Variants in MARCHF1 observed in about 807,000 individuals in gnomAD.
MARCHF1 encodes E3 ubiquitin-protein ligase MARCHF1.
In MARCHF1, 40 loss-of-function variants were observed where a neutral mutation model predicts 54.2. The observed-to-expected ratio is 0.74, with a 90% CI of 0.57 to 0.96. The LOEUF (loss-of-function observed/expected upper bound fraction) is 0.96. MARCHF1 is among the 40% of genes least tolerant of loss of function. The pLI is 0.00. For missense variants in MARCHF1, 586 were observed against 656.5 expected (o/e 0.89, Z 1.17); for synonymous variants, 236 against 236.3 (o/e 1.00, Z 0.01).
intron 3 of MARCHF1, among the ~76,000 whole-genome samples, chr4:163,937,834 C>A (rs1013125514): frequency 6.6e-6 from 1 of 151,956 alleles, no homozygotes; most frequent in Non-Finnish European, 1.5e-5. Flanking sequence ...TTGAAACTAG[C>A]AGAGTTTAAA....
At chr4:163,676,040 T>C (rs1743901868) in intron 5 of MARCHF1, among the ~76,000 whole-genome samples, 1 of 151,720 alleles carries the variant, frequency 6.6e-6, no homozygotes, top group Non-Finnish European at 1.5e-5. Flanking sequence ...CTACTCAATC[T>C]ATGTCAGAAA....
intron 5 of MARCHF1, among the ~76,000 whole-genome samples, chr4:163,699,341 AG>A: frequency 6.6e-6 from 1 of 152,350 alleles, no homozygotes; most frequent in South Asian, 2.1e-4. Flanking sequence ...GAGGAATGGC[AG>A]GCATGCTTAC....
chr4:164,250,044 G>A (rs1001906869), intron 1 of MARCHF1, among the ~76,000 whole-genome samples: 5 of 152,046 alleles, frequency 3.3e-5, no homozygotes, highest in Admixed American at 1.3e-4. Context: ...TATCTGCCCA[G>A]GAGCACAGAT....
chr4:163,870,130 A>C (rs1483514967), intron 3 of MARCHF1, among the ~76,000 whole-genome samples: 1 of 152,154 alleles, frequency 6.6e-6, no homozygotes, highest in Non-Finnish European at 1.5e-5. Context: ...TTTCTGGCTA[A>C]ACAGGATTTC....
intron 9 of MARCHF1, 53 bp from the exon 10 acceptor site, chr4:163,529,099 G>T: frequency 3.5e-6 from 5 of 1,445,280 alleles, no homozygotes; most frequent in Admixed American, 2.4e-5. Context: ...CAGTGGATTT[G>T]GTCATTTTTT....
intron 5 of MARCHF1, among the ~76,000 whole-genome samples, chr4:163,697,678 G>C (rs1271613708): frequency 1.3e-5 from 2 of 152,100 alleles, no homozygotes; most frequent in Non-Finnish European, 2.9e-5. Flanking sequence ...TGATTTTCCT[G>C]TGTCTAAGGA....
chr4:163,545,791 T>C lies in MARCHF1; in HGVS notation c.1192-48A>G, dbSNP rs539547997. The C allele has an allele frequency of 8.8e-6, 14 of 1,585,566 alleles. No homozygotes were observed. The East Asian group carries it at 2.9e-4, about 33-fold the overall frequency. ...CAAAACTGAATTGCAAACTAGGAAA[T>C]TTTGCTCCTCTTTTATTTCCCAGAC... is the stretch of plus-strand genomic sequence containing the variant. On this transcript the variant is annotated intron_variant, in intron 8 of 9. Transcript: ENST00000514618.
intron 5 of MARCHF1, among the ~76,000 whole-genome samples, chr4:163,695,750 A>G (rs2111215692): frequency 6.6e-6 from 1 of 152,278 alleles, no homozygotes; most frequent in South Asian, 2.1e-4. Context: ...TCCTTTTGAC[A>G]GTTGGCTTTT....
intron 3 of MARCHF1, among the ~76,000 whole-genome samples, chr4:163,855,482 C>T (rs1485196411): frequency 2.6e-5 from 4 of 152,090 alleles, no homozygotes; most frequent in Admixed American, 6.6e-5. Flanking sequence ...TTCCTCATTC[C>T]CAGTAACACT....
Position 163,854,093 on chromosome 4 carries a change from G to T in MARCHF1, c.39C>A (p.His13Gln). 6.5e-7 allele frequency: 1 copy of T among 1,536,814 alleles called. No homozygotes were observed. The highest frequency in any genetic ancestry group is 8.7e-7 in the Non-Finnish European group (1 of 1,146,606). The change falls in exon 4 of 10, where the codon CAC (histidine) becomes CAA (glutamine). Residue 13 changes from histidine (H) to glutamine (Q), a missense_variant. By Grantham distance (24) the His-to-Gln change is conservative (BLOSUM62 0). Coordinates refer to ENST00000514618, the MANE Select transcript of MARCHF1 (RefSeq NM_001394959.1). ...GWCEAIARNP[H>Q]RIPNNTRTPE... ...GTGTTCGCGTGTTGTTTGGAATTCT[G>T]TGAGGGTTACGGGCTATCGCTTCAC...
At chr4:164,254,412 A>G (rs1240594703) in intron 1 of MARCHF1, among the ~76,000 whole-genome samples, 1 of 150,854 alleles carries the variant, frequency 6.6e-6, no homozygotes, top group Non-Finnish European at 1.5e-5. Flanking sequence ...AATACTTAAT[A>G]AACTCCTATA....
intron 1 of MARCHF1, among the ~76,000 whole-genome samples, chr4:164,380,994 A>G (rs1731352552): frequency 6.6e-6 from 1 of 152,240 alleles, no homozygotes; most frequent in Non-Finnish European, 1.5e-5. Flanking sequence ...GTCCTAAAGT[A>G]TCTGTTAAAT....
At chr4:163,910,789 G>A (rs201203505) in intron 3 of MARCHF1, among the ~76,000 whole-genome samples, 22 of 152,142 alleles carry the variant, frequency 1.4e-4, no homozygotes, top group South Asian at 8.3e-4. Flanking sequence ...GAGCCACCAC[G>A]CCCAGCCCAA....
intron 5 of MARCHF1, among the ~76,000 whole-genome samples, chr4:163,691,973 A>G (rs543302279): frequency 6.6e-6 from 1 of 152,256 alleles, no homozygotes; most frequent in East Asian, 1.9e-4. Flanking sequence ...AGAGATGGGG[A>G]GACTGACTGC....
chr4:163,884,736 T>C (rs937599670), intron 3 of MARCHF1, among the ~76,000 whole-genome samples: 1 of 152,148 alleles, frequency 6.6e-6, no homozygotes, highest in Non-Finnish European at 1.5e-5. Flanking sequence ...GGTTTCAAGC[T>C]TAAATAACAA....
intron 2 of MARCHF1, among the ~76,000 whole-genome samples, chr4:164,031,056 C>T (rs1459266907): frequency 6.6e-6 from 1 of 152,168 alleles, no homozygotes; most frequent in African/African-American, 2.4e-5. Flanking sequence ...TCAGAATACG[C>T]TTTATTTCAT....
chr4:164,243,731 T>C (rs1398116495), intron 1 of MARCHF1, among the ~76,000 whole-genome samples: 2 of 152,138 alleles, frequency 1.3e-5, no homozygotes, highest in East Asian at 3.9e-4. Context: ...GGCAGAGACA[T>C]ACATAGCCTC....
At chr4:163,656,433 A>G (rs961661755) in intron 5 of MARCHF1, among the ~76,000 whole-genome samples, 9 of 151,540 alleles carry the variant, frequency 5.9e-5, no homozygotes, top group Non-Finnish European at 1.0e-4. Flanking sequence ...CAACCAAAAA[A>G]CCCCAGGACC....
intron 4 of MARCHF1, among the ~76,000 whole-genome samples, chr4:163,836,909 A>G (rs536301721): frequency 6.6e-6 from 1 of 152,122 alleles, no homozygotes; most frequent in African/African-American, 2.4e-5. Flanking sequence ...ATTTTAAGTG[A>G]CCAAGTTGAA....
Sources: gnomAD v4.1 joint callset for allele counts (sites outside exome capture counted in the v4.1 genomes callset) on GRCh38, gnomAD v4.1.1 for gene constraint, MANE v1.5 for transcripts, NCBI Gene and HGNC (gene_info 2026-07-23, HGNC 2026-07-21) for gene names.